Variants in STXBP5L observed in about 807,000 individuals in gnomAD.
The protein encoded by STXBP5L is syntaxin binding protein 5L.
In STXBP5L, 65 loss-of-function variants were observed where a neutral mutation model predicts 144.5. The ratio of observed to expected loss-of-function variants is 0.45; its 90% CI spans 0.37 to 0.55. The LOEUF is 0.55. Among genes scored for constraint, STXBP5L ranks in the 20% least tolerant of loss-of-function variants. The pLI, the probability that STXBP5L is intolerant of heterozygous loss-of-function variation, is 0.00. For synonymous variants in STXBP5L, 505 were observed against 469.6 expected (o/e 1.08, Z -0.97); for missense variants, 1,298 against 1,405.5 (o/e 0.92, Z 1.22).
At chr3:121,087,819 G>C (rs370370629) in intron 5 of STXBP5L, among the ~76,000 whole-genome samples, 2 of 151,644 alleles carry the variant, frequency 1.3e-5, no homozygotes, top group Middle Eastern at 3.2e-3. Flanking sequence ...GTTAATTTTA[G>C]TGTATTTCTT....
At chr3:121,097,040 G>T (rs2043165905) in intron 5 of STXBP5L, among the ~76,000 whole-genome samples, 2 of 152,174 alleles carry the variant, frequency 1.3e-5, no homozygotes, top group South Asian at 2.1e-4. Context: ...GAGATGCCCT[G>T]CCCGGAGAGG....
At chr3:121,108,206 C>A (rs1423196698) in intron 5 of STXBP5L, among the ~76,000 whole-genome samples, 1 of 152,184 alleles carries the variant, frequency 6.6e-6, no homozygotes, top group Non-Finnish European at 1.5e-5. Flanking sequence ...CGCTTTATTT[C>A]TTTCTCTTGC....
intron 5 of STXBP5L, among the ~76,000 whole-genome samples, chr3:121,087,683 G>A (rs976657495): frequency 8.6e-5 from 13 of 151,526 alleles, no homozygotes; most frequent in African/African-American, 3.2e-4. Flanking sequence ...GATATATTAG[G>A]GCTTAGGTTC....
Position 120,965,173 on chromosome 3 carries a change from C to T in STXBP5L, c.287+10136C>T, listed in dbSNP as rs182728400. 9.9e-5 allele frequency among the ~76,000 whole-genome samples: 15 copies of T among 152,126 alleles called. No individual in the cohort carries two copies. In the East Asian group the frequency reaches 2.7e-3, roughly 27 times the overall value. ...CTCTTTATTTTGAGCCTATGTGTGT[C>T]TTTGCATATGAGATGGGTTTCCTGA... On this transcript the variant is annotated intron_variant, in intron 3 of 26. Coordinates refer to ENST00000471454, the MANE Select transcript of STXBP5L (RefSeq NM_001308330.2).
intron 3 of STXBP5L, among the ~76,000 whole-genome samples, chr3:120,973,024 A>G (rs1042353187): frequency 2.6e-5 from 4 of 152,008 alleles, no homozygotes; most frequent in Non-Finnish European, 4.4e-5. Flanking sequence ...ATATTGATCT[A>G]TAGTTTTCCT....
chr3:121,348,829 C>T (rs1219273461), intron 20 of STXBP5L, among the ~76,000 whole-genome samples: 1 of 151,918 alleles, frequency 6.6e-6, no homozygotes, highest in East Asian at 1.9e-4. Context: ...TTTATTGCAT[C>T]TATTTGATTC....
At chr3:121,015,765 T>C (rs1223690939) in intron 3 of STXBP5L, among the ~76,000 whole-genome samples, 2 of 152,178 alleles carry the variant, frequency 1.3e-5, no homozygotes, top group African/African-American at 4.8e-5. Context: ...TAGAGCCTTA[T>C]CCAAGGTAGG....
At chr3:121,013,714 T>C (rs556581380) in intron 3 of STXBP5L, among the ~76,000 whole-genome samples, 5 of 151,952 alleles carry the variant, frequency 3.3e-5, no homozygotes, top group Admixed American at 3.3e-4. Context: ...GCATTTGCCT[T>C]TGAGGTTAAT....
intron 20 of STXBP5L, among the ~76,000 whole-genome samples, chr3:121,368,717 G>A (rs2108655038): frequency 6.6e-6 from 1 of 152,276 alleles, no homozygotes; most frequent in Middle Eastern, 3.4e-3. Flanking sequence ...GGTCTGGGGT[G>A]TAATCTTAAG....
intron 5 of STXBP5L, among the ~76,000 whole-genome samples, chr3:121,087,661 G>T (rs2107716160): frequency 6.6e-6 from 1 of 152,022 alleles, no homozygotes; most frequent in Non-Finnish European, 1.5e-5. Flanking sequence ...GTTTACATTA[G>T]ATATAATTAT....
intron 25 of STXBP5L, among the ~76,000 whole-genome samples, chr3:121,416,413 A>G (rs573977060): frequency 6.7e-6 from 1 of 150,336 alleles, no homozygotes; most frequent in African/African-American, 2.4e-5. Flanking sequence ...TCTACCAGTG[A>G]GACTTTGATA....
intron 9 of STXBP5L, among the ~76,000 whole-genome samples, chr3:121,174,050 A>G (rs942583560): frequency 1.3e-5 from 2 of 152,230 alleles, no homozygotes; most frequent in Admixed American, 1.3e-4. Context: ...GTCACATGGC[A>G]TTTTAAGCAG....
At chr3:121,007,016 C>A (rs951761266) in intron 3 of STXBP5L, among the ~76,000 whole-genome samples, 4 of 152,160 alleles carry the variant, frequency 2.6e-5, no homozygotes, top group African/African-American at 4.8e-5. Context: ...GTGAATCTGA[C>A]AATTATGTGT....
intron 18 of STXBP5L, among the ~76,000 whole-genome samples, chr3:121,272,673 A>G (rs1236565678): frequency 6.6e-6 from 1 of 152,070 alleles, no homozygotes; most frequent in Non-Finnish European, 1.5e-5. Context: ...GTTATTTTTA[A>G]TGGATTCTTT....
At chr3:121,370,383 C>G (rs1233611643) in intron 20 of STXBP5L, among the ~76,000 whole-genome samples, 1 of 152,118 alleles carries the variant, frequency 6.6e-6, no homozygotes, top group African/African-American at 2.4e-5. Context: ...AAGTGTATAG[C>G]ACCTCCCCCA....
At chr3:121,299,306 T>C (rs2108485343) in intron 19 of STXBP5L, among the ~76,000 whole-genome samples, 1 of 152,306 alleles carries the variant, frequency 6.6e-6, no homozygotes, top group South Asian at 2.1e-4. Context: ...AGGAGTTTCA[T>C]ATTCATAGAA....
chr3:121,169,055 A>G (rs1035387325), intron 9 of STXBP5L, among the ~76,000 whole-genome samples: 3 of 152,216 alleles, frequency 2.0e-5, no homozygotes, highest in Non-Finnish European at 4.4e-5. Context: ...AAAGAAAAGA[A>G]TTTTCAACCC....
chr3:120,912,059 A>G (rs1163542582), intron 2 of STXBP5L, among the ~76,000 whole-genome samples: 1 of 151,994 alleles, frequency 6.6e-6, no homozygotes, highest in East Asian at 1.9e-4. Context: ...CCTCTCTTCT[A>G]TCTGATTAGT....
At chr3:121,161,487 T>A (rs939124479) in intron 9 of STXBP5L, among the ~76,000 whole-genome samples, 10 of 151,996 alleles carry the variant, frequency 6.6e-5, no homozygotes, top group Admixed American at 6.6e-4. Context: ...TTCAGCAATT[T>A]GACTACTTTA....
Sources: allele counts gnomAD v4.1 joint callset (sites outside exome capture counted in the v4.1 genomes callset), GRCh38; gene constraint gnomAD v4.1.1; transcripts MANE v1.5; gene names NCBI Gene and HGNC (gene_info 2026-07-23, HGNC 2026-07-21).